Variants in PCDH11X observed in about 807,000 individuals in gnomAD.
PCDH11X encodes protocadherin-11 X-linked.
PCDH11X carries 18 observed loss-of-function variants against 53.3 expected under a neutral mutation model. That is an observed-to-expected ratio of 0.34 (90% CI 0.23 to 0.50). PCDH11X has a LOEUF of 0.50. Among genes scored for constraint, PCDH11X ranks in the 20% least tolerant of loss-of-function variants. The probability of loss-of-function intolerance (pLI) is 0.98; values close to 1 mark genes in which losing one functional copy is unlikely to be tolerated. For synonymous variants in PCDH11X, 279 were observed against 393.3 expected (o/e 0.71, Z 3.44); for missense variants, 570 against 1,032.4 (o/e 0.55, Z 6.14).
chrX:92,125,897 CA>C (rs2064852588), intron 6 of PCDH11X, among the ~76,000 whole-genome samples: 1 of 110,358 alleles, frequency 9.1e-6, no homozygotes, highest in African/African-American at 3.3e-5. Flanking sequence ...GAGGCCGAGG[CA>C]GGTGGATCAC....
At chrX:92,008,697 A>G (rs1164894123) in intron 6 of PCDH11X, among the ~76,000 whole-genome samples, 2 of 108,095 alleles carry the variant, frequency 1.9e-5, no homozygotes, top group East Asian at 2.9e-4. Context: ...CTATAGGTAG[A>G]GCTTTCTATT....
intron 6 of PCDH11X, among the ~76,000 whole-genome samples, chrX:92,101,026 C>T (rs1043045405): frequency 4.3e-4 from 48 of 111,704 alleles, no homozygotes; most frequent in African/African-American, 1.5e-3. Context: ...GGACCTAGGA[C>T]ATCTGATTAG....
At chrX:91,926,120 A>G (rs1279002666) in intron 6 of PCDH11X, among the ~76,000 whole-genome samples, 2 of 105,349 alleles carry the variant, frequency 1.9e-5, no homozygotes, top group Non-Finnish European at 3.9e-5. Flanking sequence ...ACACATATAT[A>G]TATAGAAGGA....
At chrX:91,871,363 C>G (rs971718102) in intron 5 of PCDH11X, among the ~76,000 whole-genome samples, 1 of 104,884 alleles carries the variant, frequency 9.5e-6, no homozygotes, top group African/African-American at 3.5e-5. Context: ...ATTGATAAAT[C>G]AAGCAGTGGT....
At chrX:92,364,954 C>A in intron 8 of PCDH11X, among the ~76,000 whole-genome samples, 1 of 84,025 alleles carries the variant, frequency 1.2e-5, no homozygotes, top group South Asian at 5.4e-4. Flanking sequence ...TCTTTATATT[C>A]TTATGCTTTG....
chrX:92,107,875 G>A (rs2064419676), intron 6 of PCDH11X, among the ~76,000 whole-genome samples: 1 of 111,913 alleles, frequency 8.9e-6, no homozygotes, highest in Admixed American at 9.5e-5. Context: ...ATACTTTACA[G>A]AATTTGACTC....
At chrX:91,865,017 G>A in intron 5 of PCDH11X, among the ~76,000 whole-genome samples, 1 of 110,787 alleles carries the variant, frequency 9.0e-6, no homozygotes, top group African/African-American at 3.3e-5. Flanking sequence ...TTTGTCCTGG[G>A]TGACTTATTT....
chrX:92,266,230 T>G (rs1195142126), intron 8 of PCDH11X, among the ~76,000 whole-genome samples: 3 of 112,255 alleles, frequency 2.7e-5, no homozygotes, highest in African/African-American at 9.7e-5. Context: ...ATTCATTTCT[T>G]GAACTCCTGA....
chrX:92,017,320 G>T (rs940588839), intron 6 of PCDH11X, among the ~76,000 whole-genome samples: 1 of 110,878 alleles, frequency 9.0e-6, no homozygotes, highest in African/African-American at 3.3e-5. Flanking sequence ...AATATCTAAT[G>T]TAACCCATAA....
rs773162396 is a variant in PCDH11X at position 92,572,609 on chromosome X, C to T, written c.3368-45655C>T. ...GGGCTGGGCCCTGTGGCTGGCCAGG[C>T]GCAGTGGCTCAGACCTGTAATCCCA... On this transcript the variant is annotated intron_variant, in intron 10 of 10. Transcript: ENST00000682573. Among the ~76,000 whole-genome samples, 3 of 109,088 alleles carry T rather than the reference C, an allele frequency of 2.8e-5. No homozygotes were observed. The Admixed American group carries it at 3.0e-4, about 11-fold the overall frequency. 94.7% of individuals were successfully genotyped at this position (109,088 alleles called of 115,157 possible).
chrX:92,063,109 G>A (rs1473685132), intron 6 of PCDH11X, among the ~76,000 whole-genome samples: 33 of 106,597 alleles, frequency 3.1e-4, no homozygotes, highest in East Asian at 8.9e-4. Context: ...ACCAAACACC[G>A]CATGTTCTCA....
chrX:92,364,559 G>A (rs1238721244), intron 8 of PCDH11X, among the ~76,000 whole-genome samples: 1 of 110,665 alleles, frequency 9.0e-6, no homozygotes, highest in Non-Finnish European at 1.9e-5. Flanking sequence ...TTACACTACT[G>A]TGTACTTTAT....
At chrX:91,950,223 G>C (rs1293566439) in intron 6 of PCDH11X, among the ~76,000 whole-genome samples, 1 of 106,584 alleles carries the variant, frequency 9.4e-6, no homozygotes, top group Non-Finnish European at 1.9e-5. Flanking sequence ...TAATGGTGAA[G>C]TCTGGGATTT....
chrX:92,238,783 A>G (rs1001531835), intron 7 of PCDH11X, among the ~76,000 whole-genome samples: 2 of 111,517 alleles, frequency 1.8e-5, no homozygotes, highest in Non-Finnish European at 3.8e-5. Context: ...TGCTCAATAA[A>G]CTATATCTTA....
In PCDH11X at chrX:91,932,693, TGTGTGTGC is replaced by T. The variant is rs1234361473; in HGVS notation, c.3033+53422_3033+53429del. ...GTGAGTGTGTGTGTGTGTGTGTGTG[TGTGTGTGC>T]GCGCGCGCGCGCCTGAGAAAGAGAT... On this transcript the variant is annotated intron_variant, in intron 6 of 10. Coordinates refer to ENST00000682573, the MANE Select transcript of PCDH11X (RefSeq NM_032968.5). Among the ~76,000 whole-genome samples, 58 of 105,749 alleles carry T rather than the reference TGTGTGTGC, an allele frequency of 5.5e-4. 1 individual carries two copies. Among genetic ancestry groups the T allele is most frequent in the African/African-American group, 1.7e-3 (49 of 28,270 alleles). 91.8% of individuals were successfully genotyped at this position (105,749 alleles called of 115,157 possible).
rs776855510 is a variant in PCDH11X, at chrX:92,303,445, T to G, written c.3144+40302T>G. ...TTCAGTGGGTTTTTATATCTCCTTC[T>G]CTAAGATGATTATTCATGTAGGGTC... is the stretch of plus-strand genomic sequence containing the variant. On this transcript the variant is annotated intron_variant, in intron 8 of 10. Coordinates refer to ENST00000682573, the MANE Select transcript of PCDH11X (RefSeq NM_032968.5). 1.2e-3 allele frequency among the ~76,000 whole-genome samples: 135 copies of G among 111,450 alleles called. 1 individual carries two copies. The highest frequency in any genetic ancestry group is 4.1e-3 in the African/African-American group (127 of 30,683).
At chrX:91,897,979 C>T (rs981190970) in intron 6 of PCDH11X, among the ~76,000 whole-genome samples, 2 of 111,517 alleles carry the variant, frequency 1.8e-5, no homozygotes, top group African/African-American at 6.5e-5. Context: ...AAAGACAGAC[C>T]TTTTTTTTCC....
At chrX:91,818,231 A>ATTG (rs1936514444) in intron 4 of PCDH11X, among the ~76,000 whole-genome samples, 1 of 111,257 alleles carries the variant, frequency 9.0e-6, no homozygotes, top group African/African-American at 3.3e-5. Context: ...AGGAGCCTCT[A>ATTG]GTACCTAATC....
intron 10 of PCDH11X, among the ~76,000 whole-genome samples, chrX:92,559,529 A>C (rs939937280): frequency 9.0e-6 from 1 of 111,334 alleles, no homozygotes; most frequent in Non-Finnish European, 1.9e-5. Context: ...TTAATATCAT[A>C]TCATTAAAAG....
Sources: allele counts gnomAD v4.1 joint callset (sites outside exome capture counted in the v4.1 genomes callset), GRCh38; gene constraint gnomAD v4.1.1; transcripts MANE v1.5; gene names NCBI Gene and HGNC (gene_info 2026-07-23, HGNC 2026-07-21).